ANKRD27: variants seen among roughly 807,000 people sequenced by gnomAD.
The protein encoded by ANKRD27 is ankyrin repeat domain 27, also known as ankyrin repeat domain-containing protein 27.
In ANKRD27, 112 loss-of-function variants were observed where a neutral mutation model predicts 129.7. The observed-to-expected ratio is 0.86, with a 90% CI of 0.74 to 1.01. The LOEUF is 1.01. Among genes scored for constraint, ANKRD27 ranks in the 50% least tolerant of loss-of-function variants. The pLI is 0.00. For missense variants in ANKRD27, 1,258 were observed against 1,300.5 expected, an observed-to-expected ratio of 0.97 and a Z score of 0.50; for synonymous variants, 516 against 511.2, an observed-to-expected ratio of 1.01 and a Z score of -0.13.
At chr19:32,626,571 C>A in intron 16 of ANKRD27, 141 bp downstream of exon 16, 1 of 609,916 alleles carries the variant, frequency 1.6e-6, no homozygotes, top group African/African-American at 1.9e-5. Flanking sequence ...ACTACTGCTG[C>A]AGCAGAGCTG....
chr19:32,659,595 T>C (rs1196468564), intron 1 of ANKRD27, among the ~76,000 whole-genome samples: 2 of 152,226 alleles, frequency 1.3e-5, no homozygotes, highest in East Asian at 3.9e-4. Flanking sequence ...TTTTAGAATA[T>C]CCTACATGAC....
intron 16 of ANKRD27, 49 bp downstream of exon 16, chr19:32,626,663 A>G (rs1171569365): frequency 6.9e-7 from 1 of 1,442,370 alleles, no homozygotes; most frequent in African/African-American, 1.4e-5. Context: ...CGCAGAACCA[A>G]GCTCACAGGA....
At chr19:32,665,201 T>G (rs796371586) in intron 1 of ANKRD27, among the ~76,000 whole-genome samples, 3 of 152,140 alleles carry the variant, frequency 2.0e-5, no homozygotes, top group African/African-American at 7.2e-5. Context: ...TTCCTTGTCC[T>G]TTACAATATC....
In ANKRD27 at chr19:32,643,497, A is replaced by G; in HGVS notation, c.586-13T>C. ...TGGCGAGCATTTTCTAGAGGGCAAG[A>G]AAAGCACAGTGAAAGGGCTTGGATT... On this transcript the variant is annotated splice_polypyrimidine_tract_variant and intron_variant, in intron 6 of 28. Coordinates refer to ENST00000306065, the MANE Select transcript of ANKRD27 (RefSeq NM_032139.3). 1 of 1,613,876 alleles carries G rather than the reference A, an allele frequency of 6.2e-7. No homozygotes were observed.
At chr19:32,599,920 TGGA>T in intron 27 of ANKRD27, 49 bp downstream of exon 27, 1 of 1,545,046 alleles carries the variant, frequency 6.5e-7, no homozygotes, top group Admixed American at 1.7e-5. Context: ...ACGTGCAGCT[TGGA>T]GTAAACTAGG....
intron 16 of ANKRD27, 116 bp from the exon 17 acceptor site, chr19:32,626,082 T>C: frequency 1.4e-6 from 1 of 708,802 alleles, no homozygotes; most frequent in African/African-American, 1.8e-5. Flanking sequence ...TTTATGCTAC[T>C]ATTCAAATTA....
chr19:32,648,627 C>T (rs1223804231), intron 3 of ANKRD27, among the ~76,000 whole-genome samples: 5 of 152,034 alleles, frequency 3.3e-5, no homozygotes, highest in East Asian at 1.9e-4. Flanking sequence ...GGTGAAACCT[C>T]GTCTCTACTA....
chr19:32,645,173 G>C (rs1425185030), intron 4 of ANKRD27, among the ~76,000 whole-genome samples: 3 of 152,154 alleles, frequency 2.0e-5, no homozygotes, highest in Non-Finnish European at 4.4e-5. Context: ...CAGCACTTTG[G>C]GAGGCTGAGG....
chr19:32,630,605 C>T (rs1217837371), intron 13 of ANKRD27, among the ~76,000 whole-genome samples: 1 of 152,240 alleles, frequency 6.6e-6, no homozygotes, highest in Non-Finnish European at 1.5e-5. Flanking sequence ...CACAGTGTGC[C>T]GCCCAGCACA....
At chr19:32,655,761 T>C (rs980605444) in intron 2 of ANKRD27, among the ~76,000 whole-genome samples, 2 of 152,080 alleles carry the variant, frequency 1.3e-5, no homozygotes, top group African/African-American at 4.8e-5. Context: ...CTCACGCCTG[T>C]AATTCCAGCA....
intron 2 of ANKRD27, among the ~76,000 whole-genome samples, chr19:32,652,154 T>C (rs1676611743): frequency 6.6e-6 from 1 of 152,232 alleles, no homozygotes; most frequent in Non-Finnish European, 1.5e-5. Flanking sequence ...TTTTTACTGC[T>C]GGCAAAGACT....
intron 24 of ANKRD27, 38 bp from the exon 25 acceptor site, chr19:32,604,462 G>T (rs187319607): frequency 1.9e-6 from 3 of 1,557,984 alleles, no homozygotes; most frequent in South Asian, 1.2e-5. Flanking sequence ...GGAACGCTAC[G>T]AAACGTCAGC....
chr19:32,642,964 G>C, intron 9 of ANKRD27, 159 bp downstream of exon 9: 4 of 714,172 alleles, frequency 5.6e-6, no homozygotes, highest in Non-Finnish European at 9.4e-6. Context: ...CACCTATAAA[G>C]GGCAGCCCTT....
chr19:32,654,042 A>C (rs2145312847), intron 2 of ANKRD27, among the ~76,000 whole-genome samples: 1 of 152,244 alleles, frequency 6.6e-6, no homozygotes, highest in South Asian at 2.1e-4. Flanking sequence ...CTGGGATTAT[A>C]GGCATCTGCC....
chr19:32,607,624 A>G lies in ANKRD27; in HGVS notation c.2373+11T>C. 1.2e-6 allele frequency: 2 copies of G among 1,610,230 alleles called. No homozygotes were observed. Among genetic ancestry groups the G allele is most frequent in the South Asian group, 1.1e-5 (1 of 90,620 alleles). The stretch of plus-strand genomic sequence containing the variant: ...CACCCTGCTCCACCACCCCCAACAC[A>G]CAGCCCGAACCTGAAAGTGGCCCTG... On this transcript the variant is annotated intron_variant, in intron 23 of 28. Coordinates refer to ENST00000306065, the MANE Select transcript of ANKRD27 (RefSeq NM_032139.3).
chr19:32,604,248 A>G lies in ANKRD27; in HGVS notation c.2655+15T>C. The G allele has an allele frequency of 6.3e-7, 1 of 1,586,040 alleles. No homozygotes were observed. Among genetic ancestry groups the G allele is most frequent in the Non-Finnish European group, 8.6e-7 (1 of 1,159,372 alleles). ...AGCTCAGGATTCCCTCGGCTCTTCG[A>G]CCCTCTCCACCTACCTGTTCAGCAC... is the stretch of plus-strand genomic sequence containing the variant. On this transcript the variant is annotated intron_variant, in intron 25 of 28. Transcript: ENST00000306065.
intron 16 of ANKRD27, among the ~76,000 whole-genome samples, 171 bp from the exon 17 acceptor site, chr19:32,626,137 A>T (rs1972087162): frequency 6.6e-6 from 1 of 152,172 alleles, no homozygotes; most frequent in Admixed American, 6.6e-5. Flanking sequence ...TGAAGAAAAA[A>T]GTCTAAAGCC....
chr19:32,654,433 T>G (rs1967480755), intron 2 of ANKRD27, among the ~76,000 whole-genome samples: 2 of 152,218 alleles, frequency 1.3e-5, no homozygotes, highest in Admixed American at 1.3e-4. Context: ...CCCTTAGAGG[T>G]GACAGAAAGG....
intron 10 of ANKRD27, 45 bp downstream of exon 10, chr19:32,641,979 G>C: frequency 6.6e-7 from 1 of 1,504,714 alleles, no homozygotes; most frequent in South Asian, 1.3e-5. Context: ...TTTTCATCTG[G>C]ATGTAGCATC....
Sources: allele counts gnomAD v4.1 joint callset (sites outside exome capture counted in the v4.1 genomes callset), GRCh38; gene constraint gnomAD v4.1.1; transcripts MANE v1.5; gene names NCBI Gene and HGNC (gene_info 2026-07-23, HGNC 2026-07-21).